Variants in KATNAL1 observed in about 807,000 individuals in gnomAD.
KATNAL1 encodes katanin catalytic subunit A1 like 1, also known as katanin p60 ATPase-containing subunit A-like 1.
In KATNAL1, 32 loss-of-function variants were observed where a neutral mutation model predicts 55.2. That is an observed-to-expected ratio of 0.58 (90% CI 0.44 to 0.78). The LOEUF (loss-of-function observed/expected upper bound fraction) is 0.78, where lower values mean the gene tolerates loss of function less well. Ranked by LOEUF, KATNAL1 falls within the 30% of genes least tolerant of loss-of-function variation. The pLI is 0.00. For synonymous variants in KATNAL1, 193 were observed against 193.6 expected (o/e 1.00, Z 0.02); for missense variants, 466 against 600.9 (o/e 0.78, Z 2.35).
chr13:30,225,302 TG>T (rs1875344043), intron 9 of KATNAL1, among the ~76,000 whole-genome samples: 1 of 152,142 alleles, frequency 6.6e-6, no homozygotes, highest in South Asian at 2.1e-4. Context: ...GAACCAGACA[TG>T]AACTATATAA....
At chr13:30,273,889 T>G (rs78558515) in intron 3 of KATNAL1, among the ~76,000 whole-genome samples, 3,563 of 152,132 alleles carry the variant, frequency 0.023, 131 homozygotes, top group African/African-American at 0.08. Flanking sequence ...TCTGCTCCAA[T>G]TTTTCTCTCA....
At chr13:30,237,644 T>C (rs645899) in intron 6 of KATNAL1, among the ~76,000 whole-genome samples, 129,189 of 152,154 alleles carry the variant, frequency 0.85, 55,335 homozygotes, top group East Asian at 0.96. Context: ...CTTAATATGT[T>C]CATCTTTTAC....
chr13:30,290,640 T>C (rs1191060522), intron 1 of KATNAL1, among the ~76,000 whole-genome samples: 2 of 152,090 alleles, frequency 1.3e-5, no homozygotes, highest in African/African-American at 2.4e-5. Context: ...AAAGATCTTA[T>C]CAGAAAATTA....
chr13:30,279,567 A>T (rs1344517345), intron 3 of KATNAL1, among the ~76,000 whole-genome samples: 1 of 152,226 alleles, frequency 6.6e-6, no homozygotes, highest in Non-Finnish European at 1.5e-5. Context: ...GCTGGGTATT[A>T]GAGAAAACTG....
intron 1 of KATNAL1, among the ~76,000 whole-genome samples, chr13:30,284,423 C>T (rs552576119): frequency 1.3e-5 from 2 of 151,976 alleles, no homozygotes; most frequent in South Asian, 4.2e-4. Context: ...TCAATTTATT[C>T]TTGACAATAT....
rs933284683 is a variant in KATNAL1, at chr13:30,296,727, C to A, written c.-15+10604G>T. On this transcript the variant is annotated intron_variant, in intron 1 of 10. Transcript: ENST00000380615. ...TGACGGCGAGGAATATTTCTCCAAA[C>A]AAAATTAGGCTGGCCAATGGATAGT... The A allele has an allele frequency of 4.3e-5, 24 of 552,518 alleles. 1 individual carries two copies. Among genetic ancestry groups the A allele is most frequent in the South Asian group, 3.7e-4 (23 of 62,960 alleles). The allele number at this position is 552,518 out of a possible 1,614,324, so 34.2% of individuals were successfully genotyped here. A position where few individuals can be genotyped will look rare whatever the true frequency, so the allele number is the denominator to read the frequency against.
chr13:30,304,323 G>C (rs1327064910), intron 1 of KATNAL1, among the ~76,000 whole-genome samples: 2 of 150,264 alleles, frequency 1.3e-5, no homozygotes, highest in Non-Finnish European at 1.5e-5. Context: ...AGGCTGGAGT[G>C]CAGCAGCATG....
At chr13:30,280,657 C>T (rs780263422) in intron 2 of KATNAL1, among the ~76,000 whole-genome samples, 182 of 152,062 alleles carry the variant, frequency 1.2e-3, no homozygotes, top group Middle Eastern at 3.2e-3. Context: ...AAATATAAAA[C>T]GCCTGTCATG....
intron 9 of KATNAL1, 200 bp from the exon 10 acceptor site, chr13:30,210,642 T>TA (rs1873598326): frequency 1.3e-5 from 1 of 79,228 alleles, no homozygotes; most frequent in Non-Finnish European, 2.3e-5. Context: ...TTGCAGTAAC[T>TA]AAAAATTGAA....
At chr13:30,236,089 CTTG>C (rs1593863820) in intron 6 of KATNAL1, among the ~76,000 whole-genome samples, 1 of 152,096 alleles carries the variant, frequency 6.6e-6, no homozygotes, top group Non-Finnish European at 1.5e-5. Context: ...GAGGGGCTGT[CTTG>C]TTGTCTCTGG....
intron 8 of KATNAL1, among the ~76,000 whole-genome samples, chr13:30,227,768 T>C (rs1275422270): frequency 3.3e-5 from 5 of 151,922 alleles, no homozygotes; most frequent in Non-Finnish European, 2.9e-5. Flanking sequence ...TTCTTTCTTT[T>C]TTTTTTCTTG....
intron 9 of KATNAL1, among the ~76,000 whole-genome samples, chr13:30,226,144 T>C (rs1011479378): frequency 1.8e-4 from 27 of 152,288 alleles, no homozygotes; most frequent in African/African-American, 6.3e-4. Flanking sequence ...GGCAAGGATA[T>C]GGAAGTATTT....
chr13:30,213,632 T>C (rs1381746047), intron 9 of KATNAL1, among the ~76,000 whole-genome samples: 1 of 152,166 alleles, frequency 6.6e-6, no homozygotes, highest in African/African-American at 2.4e-5. Flanking sequence ...CACAAATCAA[T>C]AAATGTAATC....
intron 3 of KATNAL1, among the ~76,000 whole-genome samples, chr13:30,264,390 C>G (rs1879567296): frequency 7.6e-6 from 1 of 132,060 alleles, no homozygotes; most frequent in African/African-American, 2.7e-5. Flanking sequence ...TCTAATTAAA[C>G]TAAAGAGCTT....
chr13:30,233,726 A>C (rs1237568269), intron 6 of KATNAL1, among the ~76,000 whole-genome samples: 1 of 152,242 alleles, frequency 6.6e-6, no homozygotes, highest in Non-Finnish European at 1.5e-5. Context: ...GGAAAAAGAA[A>C]ATGTGGTATA....
chr13:30,274,901 G>A (rs1413931475), intron 3 of KATNAL1, among the ~76,000 whole-genome samples: 72 of 111,468 alleles, frequency 6.5e-4, no homozygotes, highest in African/African-American at 1.7e-3. Context: ...ACGCGCGCGC[G>A]CGCGCGCACA....
At chr13:30,217,256 T>C (rs1453278519) in intron 9 of KATNAL1, among the ~76,000 whole-genome samples, 1 of 151,902 alleles carries the variant, frequency 6.6e-6, no homozygotes. Context: ...ATCGAGACCA[T>C]CCCGGCTAAC....
At chr13:30,265,649 G>GT (rs994681997) in intron 3 of KATNAL1, among the ~76,000 whole-genome samples, 128 of 149,718 alleles carry the variant, frequency 8.5e-4, no homozygotes, top group Middle Eastern at 3.4e-3. Context: ...GATTCAGCTA[G>GT]TTTTTTTTTC....
chr13:30,255,741 T>G (rs984139985), intron 3 of KATNAL1, 126 bp from the exon 4 acceptor site: 1 of 929,476 alleles, frequency 1.1e-6, no homozygotes, highest in African/African-American at 1.7e-5. Flanking sequence ...TTTTTTCACC[T>G]TTGGCCAATT....
Sources: gnomAD v4.1 joint callset for allele counts (sites outside exome capture counted in the v4.1 genomes callset) on GRCh38, gnomAD v4.1.1 for gene constraint, MANE v1.5 for transcripts, NCBI Gene and HGNC (gene_info 2026-07-23, HGNC 2026-07-21) for gene names.